Variants in ZSCAN2 observed in about 807,000 individuals in gnomAD.
The protein encoded by ZSCAN2 is zinc finger and SCAN domain containing 2.
Under a neutral mutation model 47.8 loss-of-function variants are expected in ZSCAN2, and 26 were observed. The observed-to-expected ratio is 0.54, with a 90% CI of 0.40 to 0.75. The LOEUF (loss-of-function observed/expected upper bound fraction) is 0.75. Among genes scored for constraint, ZSCAN2 ranks in the 30% least tolerant of loss-of-function variants. ZSCAN2 has a pLI of 0.00. For synonymous variants in ZSCAN2, 305 were observed against 288.7 expected (o/e 1.06, Z -0.57); for missense variants, 732 against 785.4 (o/e 0.93, Z 0.81).
intron 2 of ZSCAN2, chr15:84,606,906 G>A (rs955475979): frequency 8.3e-6 from 9 of 1,083,342 alleles, no homozygotes; most frequent in African/African-American, 1.7e-5. Context: ...GAGTCCCTGC[G>A]TTTGTCTTCA....
At chr15:84,611,524 G>T (rs1895547556) in intron 2 of ZSCAN2, among the ~76,000 whole-genome samples, 1 of 152,038 alleles carries the variant, frequency 6.6e-6, no homozygotes, top group African/African-American at 2.4e-5. Context: ...GAGGTGGGTG[G>T]ATCACCTGAG....
At chr15:84,605,968 G>A (rs1483520475) in intron 2 of ZSCAN2, among the ~76,000 whole-genome samples, 1 of 152,230 alleles carries the variant, frequency 6.6e-6, no homozygotes, top group Non-Finnish European at 1.5e-5. Context: ...TTTGTACCAG[G>A]CAGAACCAAG....
chr15:84,603,804 C>T lies in ZSCAN2; in HGVS notation c.-108-16C>T. 8.3e-7 allele frequency: 1 copy of T among 1,209,182 alleles called. No homozygotes were observed. Among genetic ancestry groups the T allele is most frequent in the Non-Finnish European group, 1.2e-6 (1 of 868,800 alleles). 74.9% of individuals were successfully genotyped at this position (1,209,182 alleles called of 1,614,324 possible). A position where few individuals can be genotyped will look rare whatever the true frequency, so the allele number is the denominator to read the frequency against. On this transcript the variant is annotated splice_polypyrimidine_tract_variant and intron_variant, in intron 1 of 2. Transcript: ENST00000546148. ...CAGTCTACCTATGGATTATGGTTCTCTTTTTTGTTTCTCAGCGGGACTACT... is the reference window on the plus strand; with the variant it reads ...CAGTCTACCTATGGATTATGGTTCTTTTTTTTGTTTCTCAGCGGGACTACT...
At chr15:84,606,828 G>A (rs1596027859) in intron 2 of ZSCAN2, 2 of 1,248,590 alleles carry the variant, frequency 1.6e-6, no homozygotes, top group East Asian at 4.0e-5. Context: ...CCTGACTTCT[G>A]CCTCTGAGAT....
chr15:84,612,210 A>G lies in ZSCAN2; in HGVS notation c.406+7877A>G, dbSNP rs553979541. ...GGCCCTTGTCAGTCAGATCACCTGA[A>G]GGGCCACTCTTTTCTGTCCTGTAGA... On this transcript the variant is annotated intron_variant, in intron 2 of 2. Coordinates refer to ENST00000546148, the MANE Select transcript of ZSCAN2 (RefSeq NM_181877.4). 2.0e-5 allele frequency: 3 copies of G among 152,320 alleles called. No individual in the cohort carries two copies. In the South Asian group the frequency reaches 6.2e-4, roughly 32 times the overall value. The allele number at this position is 152,320 out of a possible 1,614,324, so 9.4% of individuals were successfully genotyped here.
chr15:84,614,453 C>T (rs1246248173), intron 2 of ZSCAN2: 2 of 152,166 alleles, frequency 1.3e-5, no homozygotes, highest in African/African-American at 4.8e-5. Context: ...CATTTCTACA[C>T]TGCCGCATAA....
intron 2 of ZSCAN2, among the ~76,000 whole-genome samples, chr15:84,619,778 C>T (rs907572701): frequency 1.3e-5 from 2 of 152,062 alleles, no homozygotes; most frequent in Admixed American, 1.3e-4. Flanking sequence ...TGTTTATGTC[C>T]TTTAAAATTC....
At chr15:84,610,734 G>A (rs999354945) in intron 2 of ZSCAN2, among the ~76,000 whole-genome samples, 4 of 152,038 alleles carry the variant, frequency 2.6e-5, no homozygotes, top group African/African-American at 7.2e-5. Flanking sequence ...CAATTCGCCC[G>A]CCTCTGCCTC....
chr15:84,619,318 T>G (rs576343289), intron 2 of ZSCAN2, among the ~76,000 whole-genome samples: 2 of 151,660 alleles, frequency 1.3e-5, no homozygotes, highest in African/African-American at 4.8e-5. Context: ...TAGTCCCAGC[T>G]ACTCGGGAGG....
At chr15:84,613,282 G>A (rs1895604794) in intron 2 of ZSCAN2, among the ~76,000 whole-genome samples, 1 of 152,058 alleles carries the variant, frequency 6.6e-6, no homozygotes, top group Non-Finnish European at 1.5e-5. Context: ...TATTTGGTCT[G>A]ATTGTCTATT....
intron 2 of ZSCAN2, among the ~76,000 whole-genome samples, chr15:84,607,066 G>C (rs766177156): frequency 1.3e-5 from 2 of 152,050 alleles, no homozygotes; most frequent in Non-Finnish European, 2.9e-5. Flanking sequence ...AGGAACCTCT[G>C]GGCACTCAAA....
intron 1 of ZSCAN2, among the ~76,000 whole-genome samples, chr15:84,603,166 A>T (rs1208699900): frequency 6.6e-6 from 1 of 152,018 alleles, no homozygotes; most frequent in Admixed American, 6.6e-5. Context: ...CAGAAACATG[A>T]GTGTTATTAT....
chr15:84,614,170 T>TG (rs1951330007), intron 2 of ZSCAN2, among the ~76,000 whole-genome samples: 1 of 151,540 alleles, frequency 6.6e-6, no homozygotes, highest in East Asian at 1.9e-4. Flanking sequence ...CTGTTTTTTT[T>TG]TGTAGAGATG....
chr15:84,607,734 C>G (rs1158787631), intron 2 of ZSCAN2, among the ~76,000 whole-genome samples: 3 of 151,976 alleles, frequency 2.0e-5, no homozygotes, highest in Admixed American at 2.0e-4. Context: ...GTCTCGAACT[C>G]CTGACCTCAG....
chr15:84,605,138 A>G (rs1312975516), intron 2 of ZSCAN2, among the ~76,000 whole-genome samples: 1 of 152,176 alleles, frequency 6.6e-6, no homozygotes, highest in Non-Finnish European at 1.5e-5. Flanking sequence ...TTAAAATCGT[A>G]ATTTCAAACT....
At chr15:84,613,981 CTTTTTTT>C (rs35815000) in intron 2 of ZSCAN2, among the ~76,000 whole-genome samples, 2 of 52,340 alleles carry the variant, frequency 3.8e-5, no homozygotes, top group Non-Finnish European at 6.6e-5. Flanking sequence ...CTCTTGGCCT[CTTTTTTT>C]TTTTTTTTTT....
At chr15:84,603,368 C>CTTT (rs530895051) in intron 1 of ZSCAN2, among the ~76,000 whole-genome samples, 1 of 135,784 alleles carries the variant, frequency 7.4e-6, no homozygotes, top group African/African-American at 2.7e-5. Flanking sequence ...GCTTGGGATA[C>CTTT]TTTTTTTTTT....
intron 2 of ZSCAN2, among the ~76,000 whole-genome samples, chr15:84,619,296 G>A (rs982238127): frequency 3.3e-5 from 5 of 152,106 alleles, no homozygotes; most frequent in South Asian, 2.1e-4. Flanking sequence ...CGGGTGTGGT[G>A]GTGGGCGCCT....
chr15:84,613,721 C>A (rs1697365485), intron 2 of ZSCAN2, among the ~76,000 whole-genome samples: 1 of 151,490 alleles, frequency 6.6e-6, no homozygotes, highest in South Asian at 2.1e-4. Flanking sequence ...GTCACCCAGG[C>A]TGGAGTGCAG....
Sources: allele counts gnomAD v4.1 joint callset (sites outside exome capture counted in the v4.1 genomes callset), GRCh38; gene constraint gnomAD v4.1.1; transcripts MANE v1.5; gene names NCBI Gene and HGNC (gene_info 2026-07-23, HGNC 2026-07-21).